Variants in PI4KA observed in about 807,000 individuals in gnomAD.
PI4KA encodes the protein PI4-kinase alpha.
In PI4KA, 122 loss-of-function variants were observed where a neutral mutation model predicts 271.4. The observed-to-expected ratio is 0.45, with a 90% CI of 0.39 to 0.52. PI4KA has a LOEUF of 0.52. Ranked by LOEUF, PI4KA falls within the 20% of genes least tolerant of loss-of-function variation. PI4KA has a pLI of 0.00. For missense variants in PI4KA, 1,969 were observed against 2,769.1 expected (o/e 0.71, Z 6.48); for synonymous variants, 1,041 against 1,078.8 (o/e 0.96, Z 0.69).
intron 3 of PI4KA, among the ~76,000 whole-genome samples, chr22:20,830,131 T>C (rs1403016185): frequency 2.0e-5 from 3 of 152,214 alleles, no homozygotes; most frequent in African/African-American, 7.2e-5. Context: ...AGTGGAGTGT[T>C]CTGTAGATAT....
intron 19 of PI4KA, among the ~76,000 whole-genome samples, chr22:20,778,365 G>T (rs868595945): frequency 1.3e-5 from 2 of 152,028 alleles, no homozygotes; most frequent in Non-Finnish European, 2.9e-5. Flanking sequence ...TTAACCAGGC[G>T]TAGTGGTGTG....
At chr22:20,786,630 C>T (rs959894603) in intron 19 of PI4KA, among the ~76,000 whole-genome samples, 2 of 152,148 alleles carry the variant, frequency 1.3e-5, no homozygotes, top group Non-Finnish European at 2.9e-5. Context: ...TGTCCTGCAC[C>T]AGCCCCCACG....
intron 3 of PI4KA, among the ~76,000 whole-genome samples, chr22:20,832,355 T>C (rs1924292641): frequency 6.6e-6 from 1 of 152,118 alleles, no homozygotes; most frequent in Admixed American, 6.6e-5. Flanking sequence ...GACCTTGTGA[T>C]CCACCTGCCT....
rs533038968 is a variant in PI4KA at position 20,755,703 on chromosome 22, G to A, written c.2792-2523C>T. Among the ~76,000 whole-genome samples the A allele has an allele frequency of 3.9e-5, 6 of 152,090 alleles. No homozygotes were observed. The South Asian group carries it at 1.2e-3, about 32-fold the overall frequency. The stretch of plus-strand genomic sequence containing the variant: ...GTTAATTCCAGCTACTTGGGAGGCT[G>A]GGGCATGAGAATCACTTGAGCCTGG... On this transcript the variant is annotated intron_variant, in intron 23 of 54. Coordinates refer to ENST00000255882, the MANE Select transcript of PI4KA (RefSeq NM_058004.4).
In PI4KA at chr22:20,753,045, A is replaced by G. The variant is rs1356799559; in HGVS notation, c.2863-18T>C. Reference sequence around the variant, plus strand: ...GTCTTGGCCTAGAGATGCAAAAGAAACAGGTACCGCAGTGCCCCAGATGCC... The same window carrying G: ...GTCTTGGCCTAGAGATGCAAAAGAAGCAGGTACCGCAGTGCCCCAGATGCC... On this transcript the variant is annotated intron_variant, in intron 24 of 54. Transcript: ENST00000255882. 61 of 1,614,054 alleles carry G rather than the reference A, an allele frequency of 3.8e-5. No individual in the cohort carries two copies. In the Admixed American group the frequency reaches 1.0e-3, roughly 27 times the overall value.
At chr22:20,718,377 G>A (rs750710778) in intron 44 of PI4KA, among the ~76,000 whole-genome samples, 1 of 152,246 alleles carries the variant, frequency 6.6e-6, no homozygotes, top group Admixed American at 6.5e-5. Context: ...AAAGTGTGGA[G>A]AGGGCAGGGT....
intron 1 of PI4KA, among the ~76,000 whole-genome samples, chr22:20,853,835 G>C (rs914363545): frequency 5.3e-5 from 8 of 152,046 alleles, no homozygotes; most frequent in African/African-American, 1.2e-4. Flanking sequence ...AGCACTTTGG[G>C]AGGCGAAGGC....
Position 20,707,887 on chromosome 22 carries a change from T to G in PI4KA, c.*160A>C, listed in dbSNP as rs1924705228. 1.3e-6 allele frequency: 1 copy of G among 757,530 alleles called. No homozygotes were observed. The highest frequency in any genetic ancestry group is 2.4e-5 in the East Asian group (1 of 40,944). 46.9% of individuals were successfully genotyped at this position (757,530 alleles called of 1,614,324 possible). On this transcript the variant is annotated 3_prime_UTR_variant, in exon 55 of 55. Transcript: ENST00000255882. ...CTGCAGTCCATGGCGTTACCAAGGCTGCGCCACCCACGTGCTGCCCCAGGA... is the reference window on the plus strand; with the variant it reads ...CTGCAGTCCATGGCGTTACCAAGGCGGCGCCACCCACGTGCTGCCCCAGGA...
chr22:20,708,094 G>A lies in PI4KA; in HGVS notation c.6262C>T (p.Arg2088Trp), dbSNP rs935787895. The A allele has an allele frequency of 3.7e-6, 6 of 1,613,370 alleles. No homozygotes were observed. Among genetic ancestry groups the A allele is most frequent in the South Asian group, 1.1e-5 (1 of 91,070 alleles). ...IQSCFLSNRS[R>W]TYDMIQYYQN... is the part of the protein sequence containing the mutation. ...TAGTACTGGATCATGTCGTAGGTCC[G>A]GCTCCTGAAAGGCCAAGGAAGAGTG... is the stretch of plus-strand genomic sequence containing the variant. Residue 2088 changes from arginine (R) to tryptophan (W), a missense_variant, in exon 55 of 55, where the codon CGG becomes TGG. Physicochemically the swap from Arg to Trp is moderately radical, Grantham distance 101 (BLOSUM62 -3). This residue lies in a region of PI4KA where 110 missense variants were observed against 349.8 expected (regional missense o/e 0.31). Coordinates refer to ENST00000255882, the MANE Select transcript of PI4KA (RefSeq NM_058004.4).
Position 20,794,543 on chromosome 22 carries a change from T to C in PI4KA, c.2278-1300A>G, listed in dbSNP as rs370548488. On this transcript the variant is annotated intron_variant, in intron 18 of 54. Transcript: ENST00000255882. ...AGGGCCCGGCATAGCAAGGCTGAAT[T>C]AGGGACAAGAGTCTTAGGATCCCTG... Among the ~76,000 whole-genome samples the C allele has an allele frequency of 1.5e-3, 223 of 152,290 alleles. 1 individual carries two copies. Among genetic ancestry groups the C allele is most frequent in the South Asian group, 5.8e-3 (28 of 4,824 alleles).
intron 22 of PI4KA, among the ~76,000 whole-genome samples, chr22:20,763,021 G>GA (rs1471948157): frequency 3.8e-5 from 2 of 52,544 alleles, no homozygotes; most frequent in African/African-American, 5.5e-5. Context: ...TTTTTTTGGG[G>GA]GGGGGGGGGG....
At chr22:20,816,911 T>C (rs1437062537) in intron 7 of PI4KA, among the ~76,000 whole-genome samples, 1 of 152,142 alleles carries the variant, frequency 6.6e-6, no homozygotes, top group African/African-American at 2.4e-5. Flanking sequence ...GGGTGGACAA[T>C]GAGCTGTTTA....
Position 20,749,906 on chromosome 22 carries a change from T to C in PI4KA, c.3242A>G (p.Gln1081Arg). ...WAPTVTKSHL[Q>R]EYLNKHQNWV... ...TTGCCTTTTGATGGTTTCAAGTACC[T>C]GCAGGTGGGACTTGGTGACGGTAGG... Residue 1081 changes from glutamine (Q) to arginine (R), a missense_variant and splice_region_variant, in exon 28 of 55, where the codon CAG (glutamine) becomes CGG (arginine). Around this residue, in one of 13 missense-constraint regions of PI4KA, gnomAD observed 368 missense variants for 544.3 expected, o/e 0.68. Coordinates refer to ENST00000255882, the MANE Select transcript of PI4KA (RefSeq NM_058004.4). 2 of 1,597,024 alleles carry C rather than the reference T, an allele frequency of 1.3e-6. No homozygotes were observed. Among genetic ancestry groups the C allele is most frequent in the Non-Finnish European group, 8.6e-7 (1 of 1,164,370 alleles).
intron 1 of PI4KA, among the ~76,000 whole-genome samples, chr22:20,853,099 T>G (rs1011129179): frequency 6.6e-6 from 1 of 152,136 alleles, no homozygotes; most frequent in African/African-American, 2.4e-5. Flanking sequence ...AGATCAATAG[T>G]TAGCTACGAC....
intron 14 of PI4KA, 37 bp downstream of exon 14, chr22:20,801,936 G>C: frequency 6.2e-7 from 1 of 1,607,350 alleles, no homozygotes. Context: ...CTTGTCTGGA[G>C]CACTGCTGTC....
rs1935350804 is a variant in PI4KA, at chr22:20,801,839, T to C, written c.1724+134A>G. 6 of 934,148 alleles carry C rather than the reference T, an allele frequency of 6.4e-6. No individual in the cohort carries two copies. The Admixed American group carries it at 7.0e-5, about 11-fold the overall frequency. The allele number at this position is 934,148 out of a possible 1,614,324, so 57.9% of individuals were successfully genotyped here. A position where few individuals can be genotyped will look rare whatever the true frequency, so the allele number is the denominator to read the frequency against. On this transcript the variant is annotated intron_variant, in intron 14 of 54. Coordinates refer to ENST00000255882, the MANE Select transcript of PI4KA (RefSeq NM_058004.4). ...AGGCAGAGGTAGCAGTGAGCCGAGA[T>C]TGTGCCACTGCATTCCAGCCTGGGC...
At chr22:20,771,670 C>T (rs1932881612) in intron 19 of PI4KA, among the ~76,000 whole-genome samples, 1 of 151,926 alleles carries the variant, frequency 6.6e-6, no homozygotes. Flanking sequence ...CAACCTTCAC[C>T]TCCCAGGTTC....
chr22:20,834,577 C>T lies in PI4KA; in HGVS notation c.352G>A (p.Ala118Thr), dbSNP rs773142944. 24 of 1,600,898 alleles carry T rather than the reference C, an allele frequency of 1.5e-5. No individual in the cohort carries two copies. The highest frequency in any genetic ancestry group is 1.9e-5 in the Non-Finnish European group (22 of 1,168,124). Residue 118 changes from alanine to threonine, a missense_variant, in exon 3 of 55, where the codon GCT (alanine) becomes ACT (threonine). Around this residue, in one of 13 missense-constraint regions of PI4KA, gnomAD observed 540 missense variants for 555.5 expected, o/e 0.97. Coordinates refer to ENST00000255882, the MANE Select transcript of PI4KA (RefSeq NM_058004.4). Reference sequence around the variant, plus strand: ...ATACAATTACCTCTGCCTTTCCGAGCTGTGCTTTCTTCTACCCAATACACT... The same window carrying T: ...ATACAATTACCTCTGCCTTTCCGAGTTGTGCTTTCTTCTACCCAATACACT... ...PKVYWVEEST[A>T]RKGRGALPVA...
At chr22:20,804,190 G>A (rs969234989) in intron 12 of PI4KA, 110 bp downstream of exon 12, 19 of 742,994 alleles carry the variant, frequency 2.6e-5, no homozygotes, top group African/African-American at 6.9e-5. Flanking sequence ...AGACAGAACC[G>A]GCAGGGTCTC....
Sources: allele counts gnomAD v4.1 joint callset (sites outside exome capture counted in the v4.1 genomes callset), GRCh38; gene constraint gnomAD v4.1.1; regional missense constraint gnomAD v4.1.1; transcripts MANE v1.5; gene names NCBI Gene and HGNC (gene_info 2026-07-23, HGNC 2026-07-21).